CLEC4D: variants seen among roughly 807,000 people sequenced by gnomAD.
The protein encoded by CLEC4D is C-type lectin domain family 4 member D.
Under a neutral mutation model 21.1 loss-of-function variants are expected in CLEC4D, and 21 were observed. That is an observed-to-expected ratio of 1.00 (90% confidence interval 0.71 to 1.43). The LOEUF is 1.43. Among genes scored for constraint, CLEC4D ranks in the 40% most tolerant of loss-of-function variants. The pLI, the probability that CLEC4D is intolerant of heterozygous loss-of-function variation, is 0.00. For missense variants in CLEC4D, 289 were observed against 260.7 expected, an observed-to-expected ratio of 1.11 and a Z score of -0.75; for synonymous variants, 85 against 83.1, an observed-to-expected ratio of 1.02 and a Z score of -0.12.
At chr12:8,519,537 T>C (rs1258536520) in intron 4 of CLEC4D, among the ~76,000 whole-genome samples, 1 of 152,164 alleles carries the variant, frequency 6.6e-6, no homozygotes, top group Non-Finnish European at 1.5e-5. Context: ...GGATCCATGC[T>C]CTACTCACCT....
In CLEC4D at chr12:8,521,501, T is replaced by C; in HGVS notation, c.*230T>C. On this transcript the variant is annotated 3_prime_UTR_variant, in exon 6 of 6. Transcript: ENST00000299665. ...GTATGGTGTTTGATGGAAGGAATAATCTTTCTTTGCTTTCTTAGTAGTATT... is the reference window on the plus strand; with the variant it reads ...GTATGGTGTTTGATGGAAGGAATAACCTTTCTTTGCTTTCTTAGTAGTATT... The C allele has an allele frequency of 2.3e-6, 2 of 855,204 alleles. No homozygotes were observed. Among genetic ancestry groups the C allele is most frequent in the Non-Finnish European group, 3.1e-6 (2 of 639,176 alleles). The allele number at this position is 855,204 out of a possible 1,614,324, so 53.0% of individuals were successfully genotyped here.
chr12:8,514,971 A>G (rs1354892140), intron 1 of CLEC4D, among the ~76,000 whole-genome samples: 1 of 152,132 alleles, frequency 6.6e-6, no homozygotes, highest in Non-Finnish European at 1.5e-5. Flanking sequence ...TACTCAAATT[A>G]TCTATTCTAA....
chr12:8,519,024 G>C lies in CLEC4D; in HGVS notation c.248G>C (p.Cys83Ser). The change falls in exon 4 of 6, where the codon TGT becomes TCT. Residue 83 changes from cysteine (C) to serine (S), a missense_variant. Cys to Ser is a moderately radical substitution (Grantham distance 112). Coordinates refer to ENST00000299665, the MANE Select transcript of CLEC4D (RefSeq NM_080387.5). The stretch of plus-strand genomic sequence containing the variant: ...TTCACTTGAGGGAGCACCTGGAACT[G>C]TTGTCCTATTGACTGGAGAGCCTTC... ...LKSAEGSTWN[C>S]CPIDWRAFQS... 2 of 1,613,926 alleles carry C rather than the reference G, an allele frequency of 1.2e-6. No homozygotes were observed. Among genetic ancestry groups the C allele is most frequent in the Non-Finnish European group, 1.7e-6 (2 of 1,179,952 alleles).
rs1940463587 is a variant in CLEC4D, at chr12:8,521,846, G to GA, written c.*582dup. ...TCTGAATTATGCTGTTCTACAGATA[G>GA]AAAAAAAGTCCAAATGCCTTTAAAA... On this transcript the variant is annotated 3_prime_UTR_variant, in exon 6 of 6. Coordinates refer to ENST00000299665, the MANE Select transcript of CLEC4D (RefSeq NM_080387.5). 1 of 152,076 alleles carries GA rather than the reference G, an allele frequency of 6.6e-6. No homozygotes were observed. The highest frequency in any genetic ancestry group is 2.4e-5 in the African/African-American group (1 of 41,428). 9.4% of individuals were successfully genotyped at this position (152,076 alleles called of 1,614,324 possible). A position where few individuals can be genotyped will look rare whatever the true frequency, so the allele number is the denominator to read the frequency against.
At chr12:8,517,208 G>A (rs118129194) in intron 2 of CLEC4D, among the ~76,000 whole-genome samples, 1,771 of 152,292 alleles carry the variant, frequency 0.012, 14 homozygotes, top group Non-Finnish European at 0.019. Context: ...TGTTTCTTGA[G>A]CTGAGTAGTT....
chr12:8,524,645 C>T (rs1024571536), downstream of CLEC4D, among the ~76,000 whole-genome samples: 1 of 152,084 alleles, frequency 6.6e-6, no homozygotes, highest in Non-Finnish European at 1.5e-5. Context: ...TTTCAAAAAA[C>T]CAGCTCCAGG....
downstream of CLEC4D, among the ~76,000 whole-genome samples, chr12:8,524,076 G>C (rs993771973): frequency 1.8e-4 from 28 of 152,034 alleles, no homozygotes; most frequent in African/African-American, 6.8e-4. Flanking sequence ...GCAAGTTTTT[G>C]ATGTGCTGCT....
At chr12:8,524,188 G>A (rs1940489042), downstream of CLEC4D, among the ~76,000 whole-genome samples, 1 of 152,116 alleles carries the variant, frequency 6.6e-6, no homozygotes, top group South Asian at 2.1e-4. Flanking sequence ...CCCAGTTTTG[G>A]TATCAGGATG....
In CLEC4D at chr12:8,520,129, C is replaced by T. The variant is rs77519924; in HGVS notation, c.385-97C>T. 3.0e-3 allele frequency: 4,433 copies of T among 1,492,636 alleles called. 108 individuals are homozygous for T. The African/African-American group carries it at 0.052, about 18-fold the overall frequency. The allele number at this position is 1,492,636 out of a possible 1,614,324, so 92.5% of individuals were successfully genotyped here. A position where few individuals can be genotyped will look rare whatever the true frequency, so the allele number is the denominator to read the frequency against. On this transcript the variant is annotated intron_variant, in intron 4 of 5. Coordinates refer to ENST00000299665, the MANE Select transcript of CLEC4D (RefSeq NM_080387.5). ...TCTATCTGATGCCAGAGCTTTTGTG[C>T]TTAACCAGTAATCTAGTTGACATAT... is the stretch of plus-strand genomic sequence containing the variant.
chr12:8,514,924 A>G (rs939132092), intron 1 of CLEC4D, among the ~76,000 whole-genome samples: 7 of 152,116 alleles, frequency 4.6e-5, no homozygotes, highest in Non-Finnish European at 8.8e-5. Context: ...CTTGACTCTA[A>G]CATTGCTTGT....
rs1940363047 is a variant in CLEC4D, at chr12:8,515,222, T to G, written c.29-14T>G. 8.4e-7 allele frequency: 1 copy of G among 1,196,242 alleles called. No individual in the cohort carries two copies. Among genetic ancestry groups the G allele is most frequent in the African/African-American group, 1.5e-5 (1 of 66,792 alleles). 74.1% of individuals were successfully genotyped at this position (1,196,242 alleles called of 1,614,324 possible). A position where few individuals can be genotyped will look rare whatever the true frequency, so the allele number is the denominator to read the frequency against. On this transcript the variant is annotated splice_polypyrimidine_tract_variant and intron_variant, in intron 1 of 5. Coordinates refer to ENST00000299665, the MANE Select transcript of CLEC4D (RefSeq NM_080387.5). ...CTGAGAGGAGGTTAATCTCTATTTT[T>G]CTTTTGGTCCTAGTGGAAGGAGGCA...
downstream of CLEC4D, among the ~76,000 whole-genome samples, chr12:8,524,236 C>G (rs1049822823): frequency 3.3e-5 from 5 of 152,020 alleles, no homozygotes; most frequent in African/African-American, 1.2e-4. Flanking sequence ...AGGAGTCCCT[C>G]CTTTTCAATT....
Position 8,513,676 on chromosome 12 carries a change from A to C in CLEC4D, c.-57A>C. On this transcript the variant is annotated 5_prime_UTR_variant, in exon 1 of 6. Transcript: ENST00000299665. ...ATCCACAGAAATATACTCTGGGGGA[A>C]AAAAAATAGAACAAATTCTTGCCGT... 1 of 863,824 alleles carries C rather than the reference A, an allele frequency of 1.2e-6. No individual in the cohort carries two copies. The highest frequency in any genetic ancestry group is 2.0e-6 in the Non-Finnish European group (1 of 502,494). 53.5% of individuals were successfully genotyped at this position (863,824 alleles called of 1,614,324 possible).
chr12:8,515,146 G>T lies in CLEC4D; in HGVS notation c.29-90G>T, dbSNP rs1427227547. On this transcript the variant is annotated intron_variant, in intron 1 of 5. Transcript: ENST00000299665. ...TCTCTAGATCTGAAATATTTGGTTT[G>T]CTGTCACTTTTAGATTGCTCCTTGG... 8.4e-6 allele frequency: 6 copies of T among 716,166 alleles called. No homozygotes were observed. In the African/African-American group the frequency reaches 1.1e-4, roughly 13 times the overall value. 44.4% of individuals were successfully genotyped at this position (716,166 alleles called of 1,614,324 possible).
chr12:8,526,327 C>T (rs1200045785), downstream of CLEC4D, among the ~76,000 whole-genome samples: 6 of 152,144 alleles, frequency 3.9e-5, no homozygotes, highest in Non-Finnish European at 7.3e-5. Context: ...GTACCCCAGT[C>T]AATCATAGGT....
At chr12:8,517,183 G>A (rs1940391996) in intron 2 of CLEC4D, among the ~76,000 whole-genome samples, 1 of 152,122 alleles carries the variant, frequency 6.6e-6, no homozygotes, top group Non-Finnish European at 1.5e-5. Context: ...GCTATCTGGG[G>A]TTTTGGCAAT....
At chr12:8,528,133 G>T in the CLEC4D span, among the ~76,000 whole-genome samples, 1 of 152,120 alleles carries the variant, frequency 6.6e-6, no homozygotes, top group East Asian at 1.9e-4. Flanking sequence ...GAGAGGTGGG[G>T]CATTTAAGAA....
At chr12:8,516,652 G>A (rs1429766085) in intron 2 of CLEC4D, among the ~76,000 whole-genome samples, 1 of 152,162 alleles carries the variant, frequency 6.6e-6, no homozygotes, top group Non-Finnish European at 1.5e-5. Context: ...ATTGCTTCTG[G>A]TGGAGTTTAA....
Position 8,521,153 on chromosome 12 carries a change from C to T in CLEC4D, c.530C>T (p.Ser177Phe), listed in dbSNP as rs1414242930. The change falls in exon 6 of 6, where the codon TCT (serine) becomes TTT (phenylalanine). Residue 177 changes from serine (S) to phenylalanine (F), a missense_variant. Physicochemically the swap from Ser to Phe is radical, Grantham distance 155 (BLOSUM62 -2). Coordinates refer to ENST00000299665, the MANE Select transcript of CLEC4D (RefSeq NM_080387.5). The part of the protein sequence containing the change: ...VFWHKNEPDN[S>F]QGENCVVLVY... ...TGGCATAAGAATGAACCCGACAACT[C>T]TCAGGGAGAAAACTGTGTTGTTCTT... is the stretch of plus-strand genomic sequence containing the variant. 6.2e-7 allele frequency: 1 copy of T among 1,613,418 alleles called. No homozygotes were observed. The highest frequency in any genetic ancestry group is 8.5e-7 in the Non-Finnish European group (1 of 1,179,600).
Sources: allele counts gnomAD v4.1 joint callset (sites outside exome capture counted in the v4.1 genomes callset), GRCh38; gene constraint gnomAD v4.1.1; transcripts MANE v1.5; gene names NCBI Gene and HGNC (gene_info 2026-07-23, HGNC 2026-07-21).